Variants in RAB3C observed in about 807,000 individuals in gnomAD.
RAB3C encodes the protein RAB3C, member RAS oncogene family.
In RAB3C, 17 loss-of-function variants were observed where a neutral mutation model predicts 26.4. The observed-to-expected ratio is 0.64, with a 90% confidence interval of 0.44 to 0.97. RAB3C has a LOEUF of 0.97. Ranked by LOEUF, RAB3C falls within the 50% of genes least tolerant of loss-of-function variation. The pLI is 0.00. For synonymous variants in RAB3C, 91 were observed against 95.9 expected, an observed-to-expected ratio of 0.95 and a Z score of 0.30; for missense variants, 242 against 281.9, an observed-to-expected ratio of 0.86 and a Z score of 1.01.
rs140043330 is a variant in RAB3C at position 58,664,156 on chromosome 5, T to G, written c.252+46286T>G. Among the ~76,000 whole-genome samples, 615 of 152,344 alleles carry G rather than the reference T, an allele frequency of 4.0e-3. 3 individuals carry two copies. The highest frequency in any genetic ancestry group is 0.012 in the African/African-American group (503 of 41,584). ...AGAGGAATGAAAACTTACATTTTCATAGAAATCTGTACGTACGTATTTATA... is the reference window on the plus strand; with the variant it reads ...AGAGGAATGAAAACTTACATTTTCAGAGAAATCTGTACGTACGTATTTATA... On this transcript the variant is annotated intron_variant, in intron 2 of 4. Transcript: ENST00000282878.
At chr5:58,827,690 A>G (rs2457128) in intron 4 of RAB3C, among the ~76,000 whole-genome samples, 83,571 of 151,970 alleles carry the variant, frequency 0.55, 23,450 homozygotes, top group Middle Eastern at 0.71. Context: ...TTTGCTCTCT[A>G]TTCAATAAAA....
chr5:58,612,559 T>C (rs888483563), intron 1 of RAB3C, among the ~76,000 whole-genome samples: 34 of 144,600 alleles, frequency 2.4e-4, no homozygotes, highest in Non-Finnish European at 4.7e-4. Context: ...TATATATATA[T>C]ATATGTATAT....
chr5:58,582,449 G>A (rs1745918932), upstream of RAB3C: 3 of 984,374 alleles, frequency 3.0e-6, no homozygotes, highest in East Asian at 1.1e-4. Flanking sequence ...GGGGTGCTTA[G>A]CCAGAAATCT....
chr5:58,730,166 C>G (rs1740984716), intron 3 of RAB3C, among the ~76,000 whole-genome samples: 2 of 151,582 alleles, frequency 1.3e-5, no homozygotes, highest in African/African-American at 4.8e-5. Context: ...GTCTTAAGTT[C>G]CTACTACATT....
chr5:58,655,789 CT>C (rs34352086), intron 2 of RAB3C, among the ~76,000 whole-genome samples: 611 of 91,636 alleles, frequency 6.7e-3, no homozygotes, highest in African/African-American at 0.022. Flanking sequence ...AAACCTAACT[CT>C]TTTTTTTTTT....
chr5:58,775,303 T>C (rs1182439117), intron 3 of RAB3C, among the ~76,000 whole-genome samples: 1 of 152,078 alleles, frequency 6.6e-6, no homozygotes, highest in Non-Finnish European at 1.5e-5. Flanking sequence ...ACCCAGGGGC[T>C]TCTCTTCAGT....
intron 2 of RAB3C, among the ~76,000 whole-genome samples, chr5:58,638,177 T>C (rs1399149142): frequency 6.6e-6 from 1 of 152,168 alleles, no homozygotes; most frequent in Admixed American, 6.5e-5. Flanking sequence ...AGATGCCTAT[T>C]TCTTTGAACC....
intron 1 of RAB3C, among the ~76,000 whole-genome samples, chr5:58,604,631 A>T (rs1189988309): frequency 3.9e-5 from 6 of 152,168 alleles, no homozygotes; most frequent in Non-Finnish European, 5.9e-5. Flanking sequence ...GTGCAAACTG[A>T]AGGGCTGGTC....
At chr5:58,751,773 T>C (rs1741531226) in intron 3 of RAB3C, among the ~76,000 whole-genome samples, 1 of 152,246 alleles carries the variant, frequency 6.6e-6, no homozygotes, top group African/African-American at 2.4e-5. Flanking sequence ...TCACTGTTTT[T>C]CAGAATGCTG....
At chr5:58,684,097 C>T (rs934962283) in intron 2 of RAB3C, among the ~76,000 whole-genome samples, 2 of 152,120 alleles carry the variant, frequency 1.3e-5, no homozygotes, top group African/African-American at 4.8e-5. Flanking sequence ...GAAAAACATG[C>T]ATCTGCACTG....
chr5:58,669,214 G>T (rs1748063675), intron 2 of RAB3C, among the ~76,000 whole-genome samples: 1 of 151,932 alleles, frequency 6.6e-6, no homozygotes, highest in African/African-American at 2.4e-5. Context: ...TCACTAGATG[G>T]GTATAATTAC....
rs556173338 is a variant in RAB3C, at chr5:58,750,046, A to G, written c.371+23926A>G. 3.0e-4 allele frequency among the ~76,000 whole-genome samples: 45 copies of G among 152,288 alleles called. No individual in the cohort carries two copies. The East Asian group carries it at 4.4e-3, about 15-fold the overall frequency. On this transcript the variant is annotated intron_variant, in intron 3 of 4. Coordinates refer to ENST00000282878, the MANE Select transcript of RAB3C (RefSeq NM_138453.4). Reference sequence around the variant, plus strand: ...ATTATTCTATTTCATACTGTATTATAATTTATTAAATGTATAGTATATTTG... The same window carrying G: ...ATTATTCTATTTCATACTGTATTATGATTTATTAAATGTATAGTATATTTG...
At chr5:58,773,841 T>C (rs1742072929) in intron 3 of RAB3C, among the ~76,000 whole-genome samples, 1 of 152,136 alleles carries the variant, frequency 6.6e-6, no homozygotes, top group Non-Finnish European at 1.5e-5. Flanking sequence ...AACCATCTGC[T>C]TTTTTTCTGC....
At chr5:58,822,987 T>C in intron 3 of RAB3C, 2 of 618,154 alleles carry the variant, frequency 3.2e-6, no homozygotes, top group South Asian at 2.7e-5. Context: ...AATAAAGTTT[T>C]TGGGGCCTTG....
intron 2 of RAB3C, among the ~76,000 whole-genome samples, chr5:58,686,883 T>C (rs1748454867): frequency 6.6e-6 from 1 of 152,024 alleles, no homozygotes; most frequent in Non-Finnish European, 1.5e-5. Context: ...TGGAGGAGGG[T>C]AGAAGCCTTT....
intron 1 of RAB3C, among the ~76,000 whole-genome samples, chr5:58,611,351 T>C (rs1370130922): frequency 1.3e-5 from 2 of 152,156 alleles, no homozygotes; most frequent in African/African-American, 2.4e-5. Context: ...CTACCGACAG[T>C]ATATAAGCAT....
intron 1 of RAB3C, among the ~76,000 whole-genome samples, chr5:58,612,273 T>A (rs899913764): frequency 4.6e-5 from 7 of 151,966 alleles, no homozygotes; most frequent in African/African-American, 1.7e-4. Context: ...GTGAAGAATA[T>A]CATTGGTAGT....
At chr5:58,634,175 A>C (rs1232483020) in intron 2 of RAB3C, among the ~76,000 whole-genome samples, 1 of 152,062 alleles carries the variant, frequency 6.6e-6, no homozygotes, top group Non-Finnish European at 1.5e-5. Context: ...TGTACTCCTA[A>C]ATTTTATTTA....
intron 2 of RAB3C, among the ~76,000 whole-genome samples, chr5:58,703,431 C>T (rs1428116002): frequency 1.3e-5 from 2 of 152,134 alleles, no homozygotes; most frequent in Admixed American, 1.3e-4. Flanking sequence ...ATCCGCCTGC[C>T]TTGGCCTCCC....
Sources: gnomAD v4.1 joint callset for allele counts (sites outside exome capture counted in the v4.1 genomes callset) on GRCh38, gnomAD v4.1.1 for gene constraint, MANE v1.5 for transcripts, NCBI Gene and HGNC (gene_info 2026-07-23, HGNC 2026-07-21) for gene names.